CCNY: variants seen among roughly 807,000 people sequenced by gnomAD.
The protein encoded by CCNY is cyclin-Y.
Under a neutral mutation model 42.8 loss-of-function variants are expected in CCNY, and 19 were observed. The ratio of observed to expected loss-of-function variants is 0.44; its 90% CI spans 0.31 to 0.65. CCNY has a LOEUF of 0.65. CCNY is among the 30% of genes least tolerant of loss of function. The pLI, the probability that CCNY is intolerant of heterozygous loss-of-function variation, is 0.07. For synonymous variants in CCNY, 165 were observed against 162.7 expected, an observed-to-expected ratio of 1.01 and a Z score of -0.11; for missense variants, 370 against 437.3, an observed-to-expected ratio of 0.85 and a Z score of 1.37.
chr10:35,506,275 TGA>T (rs1431664303), intron 3 of CCNY, among the ~76,000 whole-genome samples: 1 of 152,234 alleles, frequency 6.6e-6, no homozygotes, highest in Admixed American at 6.5e-5. Context: ...CAGCAATAAT[TGA>T]GAGTACAGGA....
chr10:35,456,491 A>G (rs538127162), intron 1 of CCNY, among the ~76,000 whole-genome samples: 2 of 152,324 alleles, frequency 1.3e-5, no homozygotes, highest in East Asian at 3.9e-4. Flanking sequence ...AGGCACATTC[A>G]TTTGTATCTT....
intron 3 of CCNY, among the ~76,000 whole-genome samples, chr10:35,301,774 A>G (rs556339162): frequency 7.2e-5 from 11 of 151,812 alleles, no homozygotes; most frequent in African/African-American, 2.7e-4. Flanking sequence ...GGACAGGTCT[A>G]CAGGTGCATG....
chr10:35,311,370 T>C (rs1474479137), intron 3 of CCNY, among the ~76,000 whole-genome samples: 2 of 151,372 alleles, frequency 1.3e-5, no homozygotes, highest in Non-Finnish European at 2.9e-5. Flanking sequence ...TTTCAAATGT[T>C]CTTGATAATT....
chr10:35,458,551 A>G (rs1839086657), intron 1 of CCNY, among the ~76,000 whole-genome samples: 1 of 152,224 alleles, frequency 6.6e-6, no homozygotes, highest in African/African-American at 2.4e-5. Context: ...GTTTTCTCTT[A>G]GGCACTGAGG....
intron 1 of CCNY, among the ~76,000 whole-genome samples, chr10:35,438,693 T>C (rs1838597809): frequency 6.6e-6 from 1 of 152,260 alleles, no homozygotes; most frequent in East Asian, 1.9e-4. Flanking sequence ...AATTGTCAAA[T>C]GTAATTTGGA....
intron 1 of CCNY, among the ~76,000 whole-genome samples, chr10:35,435,879 T>A (rs2135286917): frequency 6.6e-6 from 1 of 152,226 alleles, no homozygotes; most frequent in East Asian, 1.9e-4. Context: ...GATGTTTAAG[T>A]TCCTCCTCCT....
At position 35,362,634 on chromosome 10, in the gene CCNY, T is replaced by A. The variant is rs546151161; in HGVS notation, c.154+25427T>A. On this transcript the variant is annotated intron_variant, in intron 1 of 9. Coordinates refer to ENST00000374704, the MANE Select transcript of CCNY (RefSeq NM_145012.6). ...TTTAATTAAAAAGTAAACTTTAATG[T>A]CAAAAATGCAAACTTTGGAGAGGGC... Among the ~76,000 whole-genome samples the A allele has an allele frequency of 1.5e-4, 23 of 152,288 alleles. No homozygotes were observed. The South Asian group carries it at 3.3e-3, about 22-fold the overall frequency.
At chr10:35,545,590 G>A (rs1426851538) in intron 7 of CCNY, among the ~76,000 whole-genome samples, 7 of 152,130 alleles carry the variant, frequency 4.6e-5, no homozygotes, top group Non-Finnish European at 1.0e-4. Context: ...CACTACATCT[G>A]TAAAGGCCTT....
Position 35,253,521 on chromosome 10 carries a change from T to G in CCNY, c.-9+2895T>G, listed in dbSNP as rs945806754. 7.6e-5 allele frequency among the ~76,000 whole-genome samples: 11 copies of G among 143,994 alleles called. No individual in the cohort carries two copies. In the Admixed American group the frequency reaches 7.9e-4, roughly 10 times the overall value. The allele number at this position is 143,994 out of a possible 152,430, so 94.5% of individuals were successfully genotyped here. ...TTGAACTTCTGACTTTAAGCCATCC[T>G]CCCACCTTGACCTCCTAAAGCATTG... On this transcript the variant is annotated intron_variant, in intron 3 of 11. Transcript: ENST00000374706.
chr10:35,426,107 ACGCG>A (rs139244726), intron 1 of CCNY, among the ~76,000 whole-genome samples: 1,333 of 63,296 alleles, frequency 0.021, 25 homozygotes, highest in African/African-American at 0.056. Flanking sequence ...CTGGTCCAGC[ACGCG>A]CACACACACA....
intron 1 of CCNY, among the ~76,000 whole-genome samples, chr10:35,348,835 C>G (rs1836364999): frequency 6.6e-6 from 1 of 151,824 alleles, no homozygotes; most frequent in African/African-American, 2.4e-5. Context: ...CAATTTCCTT[C>G]TTTCATGGAA....
At chr10:35,370,287 G>C (rs561935678) in intron 1 of CCNY, among the ~76,000 whole-genome samples, 34 of 152,168 alleles carry the variant, frequency 2.2e-4, no homozygotes, top group African/African-American at 7.5e-4. Context: ...GAGTAGCTGG[G>C]ACTACAGGTG....
intron 1 of CCNY, among the ~76,000 whole-genome samples, chr10:35,462,246 A>AT (rs1205043833): frequency 6.6e-6 from 1 of 152,220 alleles, no homozygotes; most frequent in Non-Finnish European, 1.5e-5. Context: ...CAAAGCAGCC[A>AT]TGTTAGGTGG....
chr10:35,386,517 T>G (rs1288651131), intron 1 of CCNY, among the ~76,000 whole-genome samples: 1 of 152,234 alleles, frequency 6.6e-6, no homozygotes, highest in Non-Finnish European at 1.5e-5. Context: ...AGTATCCCAT[T>G]ATGTCAGTTT....
chr10:35,499,484 C>A (rs1472310159), intron 2 of CCNY, among the ~76,000 whole-genome samples: 1 of 152,214 alleles, frequency 6.6e-6, no homozygotes, highest in East Asian at 1.9e-4. Context: ...CACAGCCAAA[C>A]CATATCAGCT....
intron 1 of CCNY, among the ~76,000 whole-genome samples, chr10:35,420,800 C>T (rs1283314931): frequency 2.6e-5 from 4 of 152,262 alleles, no homozygotes; most frequent in East Asian, 1.9e-4. Context: ...TGAATGTGAA[C>T]GGAGACTAAT....
chr10:35,396,332 C>T (rs779780398), intron 1 of CCNY, among the ~76,000 whole-genome samples: 58 of 152,276 alleles, frequency 3.8e-4, no homozygotes, highest in Middle Eastern at 3.4e-3. Flanking sequence ...CCAGACAGGC[C>T]GACTGGAGTT....
At chr10:35,349,544 A>G (rs1434565008) in intron 1 of CCNY, among the ~76,000 whole-genome samples, 1 of 152,240 alleles carries the variant, frequency 6.6e-6, no homozygotes, top group African/African-American at 2.4e-5. Flanking sequence ...TCATTTTCAT[A>G]AATGGGTTTC....
intron 1 of CCNY, among the ~76,000 whole-genome samples, chr10:35,421,985 C>T (rs577549899): frequency 4.9e-4 from 74 of 152,302 alleles, no homozygotes; most frequent in African/African-American, 1.8e-3. Context: ...AAAGTCACTG[C>T]CCCACAGTCA....
Sources: allele counts gnomAD v4.1 joint callset (sites outside exome capture counted in the v4.1 genomes callset), GRCh38; gene constraint gnomAD v4.1.1; transcripts MANE v1.5; gene names NCBI Gene and HGNC (gene_info 2026-07-23, HGNC 2026-07-21).